The following EGFLAM variants were observed in gnomAD, a reference collection of about 807,000 sequenced individuals.
EGFLAM encodes pikachurin.
EGFLAM carries 79 observed loss-of-function variants against 113.1 expected under a neutral mutation model. The observed-to-expected ratio is 0.70, with a 90% CI of 0.58 to 0.84. The LOEUF (loss-of-function observed/expected upper bound fraction) is 0.84. EGFLAM is among the 40% of genes least tolerant of loss of function. EGFLAM has a pLI of 0.00. For missense variants in EGFLAM, 1,265 were observed against 1,291.6 expected (o/e 0.98, Z 0.32); for synonymous variants, 504 against 487.6 (o/e 1.03, Z -0.44).
intron 13 of EGFLAM, 55 bp downstream of exon 13, chr5:38,425,147 T>A: frequency 1.3e-6 from 2 of 1,586,912 alleles, no homozygotes; most frequent in Non-Finnish European, 1.7e-6. Context: ...TTTGTGTAGA[T>A]GTACTTTATC....
At chr5:38,411,483 CTTTT>C (rs759299989) in intron 10 of EGFLAM, among the ~76,000 whole-genome samples, 4 of 113,412 alleles carry the variant, frequency 3.5e-5, no homozygotes, top group African/African-American at 7.1e-5. Context: ...TCATTAATTT[CTTTT>C]TTTTTTTTTT....
chr5:38,462,735 G>A, intron 20 of EGFLAM, 173 bp from the exon 21 acceptor site: 3 of 647,174 alleles, frequency 4.6e-6, no homozygotes, highest in Non-Finnish European at 5.2e-6. Flanking sequence ...TAGACCACAG[G>A]CTCCTGAGGG....
chr5:38,262,226 C>A (rs192918437), intron 1 of EGFLAM, among the ~76,000 whole-genome samples: 1 of 152,188 alleles, frequency 6.6e-6, no homozygotes, highest in South Asian at 2.1e-4. Flanking sequence ...GGAGGACTGC[C>A]GTGCTTCTGT....
chr5:38,386,952 G>T (rs190518501), intron 6 of EGFLAM, among the ~76,000 whole-genome samples: 1 of 152,334 alleles, frequency 6.6e-6, no homozygotes. Context: ...TCTGCAGCAC[G>T]GAGGAGGGGT....
intron 1 of EGFLAM, among the ~76,000 whole-genome samples, chr5:38,334,897 G>C (rs1451685498): frequency 2.0e-5 from 3 of 152,178 alleles, no homozygotes; most frequent in Non-Finnish European, 2.9e-5. Context: ...TCAACGGGGA[G>C]CAGTTTTGCC....
intron 5 of EGFLAM, among the ~76,000 whole-genome samples, chr5:38,357,162 A>G (rs914156027): frequency 6.6e-6 from 1 of 152,206 alleles, no homozygotes; most frequent in Non-Finnish European, 1.5e-5. Flanking sequence ...TGGCTGAGGC[A>G]GGAGGATCAC....
At chr5:38,342,726 G>A (rs1739367122) in intron 3 of EGFLAM, among the ~76,000 whole-genome samples, 1 of 152,144 alleles carries the variant, frequency 6.6e-6, no homozygotes, top group South Asian at 2.1e-4. Flanking sequence ...AATGTTTAGG[G>A]TGGTGGTCTT....
chr5:38,322,292 A>ACT (rs1473611168), intron 1 of EGFLAM, among the ~76,000 whole-genome samples: 7 of 152,310 alleles, frequency 4.6e-5, no homozygotes, highest in African/African-American at 1.4e-4. Context: ...GACCAGGAAA[A>ACT]GGGCTCGGGA....
chr5:38,348,718 G>A (rs944945722), intron 3 of EGFLAM, among the ~76,000 whole-genome samples: 4 of 152,094 alleles, frequency 2.6e-5, no homozygotes, highest in African/African-American at 7.2e-5. Flanking sequence ...TGCAGGTATG[G>A]TAGGGAATTA....
intron 6 of EGFLAM, among the ~76,000 whole-genome samples, chr5:38,392,236 A>G (rs1740832402): frequency 6.6e-6 from 1 of 152,158 alleles, no homozygotes; most frequent in South Asian, 2.1e-4. Flanking sequence ...ACATTAGTTT[A>G]CTAGGGATAA....
At chr5:38,289,097 G>T (rs572897231) in intron 1 of EGFLAM, among the ~76,000 whole-genome samples, 2 of 152,170 alleles carry the variant, frequency 1.3e-5, no homozygotes, top group South Asian at 2.1e-4. Flanking sequence ...TTTAAACTCA[G>T]GTCTCATAGC....
intron 3 of EGFLAM, among the ~76,000 whole-genome samples, chr5:38,346,032 C>A (rs73073494): frequency 0.029 from 4,370 of 152,184 alleles, 201 homozygotes; most frequent in African/African-American, 0.094. Context: ...TACCATTATG[C>A]CACTTTCCGG....
At chr5:38,445,692 C>A (rs116701004) in intron 17 of EGFLAM, 2 of 1,598,360 alleles carry the variant, frequency 1.3e-6, no homozygotes, top group African/African-American at 2.7e-5. Flanking sequence ...GTGGGAACTA[C>A]TGCCTCAATA....
intron 1 of EGFLAM, among the ~76,000 whole-genome samples, chr5:38,312,432 G>C (rs963126839): frequency 6.6e-6 from 1 of 151,892 alleles, no homozygotes. Flanking sequence ...TAGAGAGACG[G>C]GGTTTCACCA....
At chr5:38,261,860 G>A (rs1371635165) in intron 1 of EGFLAM, among the ~76,000 whole-genome samples, 1 of 152,104 alleles carries the variant, frequency 6.6e-6, no homozygotes, top group Non-Finnish European at 1.5e-5. Flanking sequence ...TTCTCTTGTT[G>A]AACTCCTGGG....
At chr5:38,359,789 A>G (rs1234664769) in intron 5 of EGFLAM, among the ~76,000 whole-genome samples, 2 of 152,216 alleles carry the variant, frequency 1.3e-5, no homozygotes, top group African/African-American at 2.4e-5. Flanking sequence ...ATCTCAACGT[A>G]AGATATTTAT....
chr5:38,414,801 A>T (rs538807925), intron 11 of EGFLAM, among the ~76,000 whole-genome samples: 1 of 152,208 alleles, frequency 6.6e-6, no homozygotes, highest in South Asian at 2.1e-4. Flanking sequence ...GGAAAGAAAG[A>T]TTTACTCCAT....
At chr5:38,366,716 G>A (rs1740070929) in intron 5 of EGFLAM, among the ~76,000 whole-genome samples, 1 of 152,178 alleles carries the variant, frequency 6.6e-6, no homozygotes, top group Non-Finnish European at 1.5e-5. Context: ...TCAGATCAGT[G>A]ACTCTCAAAG....
At chr5:38,411,059 C>T (rs1741460571) in intron 10 of EGFLAM, among the ~76,000 whole-genome samples, 1 of 151,990 alleles carries the variant, frequency 6.6e-6, no homozygotes, top group Non-Finnish European at 1.5e-5. Flanking sequence ...CTTTACTTTT[C>T]TTATGGGTCC....
Sources: gnomAD v4.1 joint callset for allele counts (sites outside exome capture counted in the v4.1 genomes callset) on GRCh38, gnomAD v4.1.1 for gene constraint, MANE v1.5 for transcripts, NCBI Gene and HGNC (gene_info 2026-07-23, HGNC 2026-07-21) for gene names.